The following UBE2V1 variants were observed in gnomAD, a reference collection of about 807,000 sequenced individuals.
UBE2V1 encodes ubiquitin-conjugating enzyme E2 variant 1.
Under a neutral mutation model 19.6 loss-of-function variants are expected in UBE2V1, and 15 were observed. The observed-to-expected ratio is 0.77, with a 90% CI of 0.51 to 1.18. The LOEUF is 1.18. Among genes scored for constraint, UBE2V1 ranks in the 50% most tolerant of loss-of-function variants. The pLI is 0.00. For synonymous variants in UBE2V1, 60 were observed against 60.7 expected, an observed-to-expected ratio of 0.99 and a Z score of 0.05; for missense variants, 125 against 184.8, an observed-to-expected ratio of 0.68 and a Z score of 1.88.
intron 1 of UBE2V1, among the ~76,000 whole-genome samples, chr20:50,107,638 C>T (rs368013758): frequency 6.6e-6 from 1 of 152,204 alleles, no homozygotes; most frequent in African/African-American, 2.4e-5. Context: ...TCTGCCCTAT[C>T]GGATACATTG....
rs928963521 is a variant in UBE2V1, at chr20:50,113,130, T to C, written c.-2A>G. ...ACCCGAGCCCGTGGTGGCTGCCATC[T>C]TGCGTCGCTCTTGCTTGAAGGCCGG... On this transcript the variant is annotated 5_prime_UTR_variant, in exon 1 of 4. Transcript: ENST00000371674. 14 of 1,371,624 alleles carry C rather than the reference T, an allele frequency of 1.0e-5. No individual in the cohort carries two copies. The Admixed American group carries it at 2.2e-4, about 22-fold the overall frequency. 85.0% of individuals were successfully genotyped at this position (1,371,624 alleles called of 1,614,324 possible). A position where few individuals can be genotyped will look rare whatever the true frequency, so the allele number is the denominator to read the frequency against.
intron 1 of UBE2V1, among the ~76,000 whole-genome samples, chr20:50,097,532 T>C (rs1174423587): frequency 6.6e-6 from 1 of 152,080 alleles, no homozygotes; most frequent in Non-Finnish European, 1.5e-5. Flanking sequence ...TTTCTAGGTG[T>C]CTTCCAGAAC....
At chr20:50,101,855 A>C (rs182435038) in intron 1 of UBE2V1, among the ~76,000 whole-genome samples, 120 of 152,314 alleles carry the variant, frequency 7.9e-4, no homozygotes, top group African/African-American at 2.8e-3. Flanking sequence ...AAATAAAACC[A>C]TATCAAAGCA....
At chr20:50,102,334 C>A (rs11907505) in intron 1 of UBE2V1, among the ~76,000 whole-genome samples, 5 of 152,118 alleles carry the variant, frequency 3.3e-5, no homozygotes, top group Middle Eastern at 3.4e-3. Context: ...TTTTTTAAAT[C>A]GAGTAAAAAA....
At chr20:50,084,043 A>G (rs1013660051) in intron 3 of UBE2V1, 86 bp downstream of exon 3, 70 of 1,426,250 alleles carry the variant, frequency 4.9e-5, no homozygotes, top group Non-Finnish European at 5.9e-5. Flanking sequence ...GAACCTAGGA[A>G]TTGGGCCCAG....
chr20:50,092,957 G>A (rs1013013106), intron 2 of UBE2V1, among the ~76,000 whole-genome samples: 4 of 152,176 alleles, frequency 2.6e-5, no homozygotes, highest in African/African-American at 9.7e-5. Context: ...CAGAAGCAGT[G>A]TATGCATGAG....
At chr20:50,112,877 A>G (rs1049770731) in intron 1 of UBE2V1, among the ~76,000 whole-genome samples, 3 of 151,020 alleles carry the variant, frequency 2.0e-5, no homozygotes, top group Admixed American at 1.3e-4. Flanking sequence ...CTCCCGGGGG[A>G]GCCTCAGGGC....
chr20:50,081,975 T>TA lies in UBE2V1; in HGVS notation c.*792dup, dbSNP rs2078661865. On this transcript the variant is annotated 3_prime_UTR_variant, in exon 4 of 4. Coordinates refer to ENST00000371674, the MANE Select transcript of UBE2V1 (RefSeq NM_001032288.3). ...GGAGGTCAGAGGCTCTTTCCAACCT[T>TA]ACCTGATGGCTTCTGGCCAAAGCAA... 4.6e-6 allele frequency: 1 copy of TA among 215,552 alleles called. No homozygotes were observed. Among genetic ancestry groups the TA allele is most frequent in the African/African-American group, 2.3e-5 (1 of 43,314 alleles). The allele number at this position is 215,552 out of a possible 1,614,324, so 13.4% of individuals were successfully genotyped here.
chr20:50,099,073 T>G, intron 1 of UBE2V1: 9 of 720,910 alleles, frequency 1.2e-5, no homozygotes, highest in Non-Finnish European at 1.4e-5. Flanking sequence ...TAATCCTAAT[T>G]AGGCTAGCGG....
intron 1 of UBE2V1, among the ~76,000 whole-genome samples, chr20:50,109,476 C>T (rs1417030312): frequency 1.3e-5 from 2 of 152,066 alleles, no homozygotes; most frequent in East Asian, 1.9e-4. Context: ...TGCAGCCCGG[C>T]ACGGTGACTT....
intron 1 of UBE2V1, among the ~76,000 whole-genome samples, chr20:50,104,787 C>T (rs953387019): frequency 1.3e-5 from 2 of 151,672 alleles, no homozygotes; most frequent in African/African-American, 2.4e-5. Flanking sequence ...AGTGCAATGG[C>T]GCAATCTCGG....
At chr20:50,098,426 C>A (rs1011974753) in intron 1 of UBE2V1, among the ~76,000 whole-genome samples, 6 of 152,138 alleles carry the variant, frequency 3.9e-5, no homozygotes, top group Non-Finnish European at 7.4e-5. Context: ...GGAGCAAGGG[C>A]AGAAGCAGCT....
At chr20:50,091,962 A>C (rs1028674837) in intron 2 of UBE2V1, among the ~76,000 whole-genome samples, 5 of 152,190 alleles carry the variant, frequency 3.3e-5, no homozygotes, top group Non-Finnish European at 7.4e-5. Flanking sequence ...AATTATGTTC[A>C]GTTCCTCTGA....
intron 1 of UBE2V1, among the ~76,000 whole-genome samples, chr20:50,097,850 G>C (rs2079730241): frequency 6.6e-6 from 1 of 152,200 alleles, no homozygotes; most frequent in Non-Finnish European, 1.5e-5. Context: ...CAGATTGTGG[G>C]AGGTGTTGCC....
intron 1 of UBE2V1, among the ~76,000 whole-genome samples, chr20:50,105,923 AAAAAAAACAAAAAAC>A (rs1453605528): frequency 2.7e-4 from 41 of 150,644 alleles, no homozygotes; most frequent in Middle Eastern, 6.8e-3. Flanking sequence ...GAGACTCGTC[AAAAAAAACAAAAAAC>A]AAAAAAACAA....
intron 1 of UBE2V1, among the ~76,000 whole-genome samples, chr20:50,100,373 G>C (rs914359829): frequency 2.0e-5 from 3 of 151,418 alleles, no homozygotes; most frequent in African/African-American, 7.3e-5. Flanking sequence ...GGATCATGAG[G>C]TCAAGAGTTC....
upstream of UBE2V1, among the ~76,000 whole-genome samples, chr20:50,113,783 A>ATTCATTCATTCATTCG (rs1555882047): frequency 1.0e-3 from 140 of 137,256 alleles, no homozygotes; most frequent in East Asian, 6.9e-3. Context: ...TCATTCATTC[A>ATTCATTCATTCATTCG]TTCATTCATT....
chr20:50,102,519 T>C (rs1036462133), intron 1 of UBE2V1, among the ~76,000 whole-genome samples: 17 of 152,144 alleles, frequency 1.1e-4, no homozygotes, highest in African/African-American at 4.1e-4. Context: ...GTCAGAGTAA[T>C]GGATATATTA....
upstream of UBE2V1, chr20:50,115,541 G>A (rs917086115): frequency 6.8e-5 from 109 of 1,595,094 alleles, no homozygotes; most frequent in Non-Finnish European, 9.1e-5. Context: ...TTTGCTTTGT[G>A]ACTTCAGGTA....
Sources: gnomAD v4.1 joint callset for allele counts (sites outside exome capture counted in the v4.1 genomes callset) on GRCh38, gnomAD v4.1.1 for gene constraint, MANE v1.5 for transcripts, NCBI Gene and HGNC (gene_info 2026-07-23, HGNC 2026-07-21) for gene names.